ARID1B: variants seen among roughly 807,000 people sequenced by gnomAD.
The protein encoded by ARID1B is AT-rich interaction domain 1B.
Under a neutral mutation model 212.3 loss-of-function variants are expected in ARID1B, and 30 were observed. The ratio of observed to expected loss-of-function variants is 0.14; its 90% CI spans 0.11 to 0.19. ARID1B has a LOEUF of 0.19. Ranked by LOEUF, ARID1B falls within the 10% of genes least tolerant of loss-of-function variation. The probability of loss-of-function intolerance (pLI) is 1.00; values close to 1 mark genes in which losing one functional copy is unlikely to be tolerated. For missense variants in ARID1B, 2,891 were observed against 3,204.0 expected, an observed-to-expected ratio of 0.90 and a Z score of 2.36; for synonymous variants, 1,402 against 1,301.7, an observed-to-expected ratio of 1.08 and a Z score of -1.66.
intron 15 of ARID1B, chr6:157,194,269 T>C (rs966298623): frequency 6.6e-5 from 10 of 152,248 alleles, no homozygotes; most frequent in African/African-American, 1.7e-4. Flanking sequence ...TTTTCACATC[T>C]ACAAAATAGA....
chr6:157,047,110 A>G (rs1485730058), intron 4 of ARID1B, among the ~76,000 whole-genome samples: 10 of 152,208 alleles, frequency 6.6e-5, no homozygotes, highest in Non-Finnish European at 1.5e-5. Context: ...TAATGTTGGC[A>G]ATTTCATATG....
chr6:157,089,896 C>T (rs1019970059), intron 5 of ARID1B, among the ~76,000 whole-genome samples: 2 of 152,158 alleles, frequency 1.3e-5, no homozygotes, highest in Admixed American at 1.3e-4. Flanking sequence ...ACTTACACTG[C>T]TTCTTGGGTT....
chr6:156,890,528 T>A (rs1265625682), intron 2 of ARID1B, among the ~76,000 whole-genome samples: 1 of 152,216 alleles, frequency 6.6e-6, no homozygotes, highest in Non-Finnish European at 1.5e-5. Flanking sequence ...TCAGAAAGCC[T>A]GTTAAAAACT....
chr6:156,878,009 T>C (rs1786703191), intron 2 of ARID1B, among the ~76,000 whole-genome samples: 1 of 152,032 alleles, frequency 6.6e-6, no homozygotes, highest in Non-Finnish European at 1.5e-5. Context: ...AACCACCGCG[T>C]CTGGCCCATG....
At chr6:157,153,081 A>G (rs1399956752) in intron 8 of ARID1B, among the ~76,000 whole-genome samples, 1 of 152,250 alleles carries the variant, frequency 6.6e-6, no homozygotes, top group Non-Finnish European at 1.5e-5. Context: ...CAAGTATAAG[A>G]TAGTAGAGAG....
At chr6:156,820,348 T>C (rs984310312) in intron 1 of ARID1B, among the ~76,000 whole-genome samples, 3 of 152,172 alleles carry the variant, frequency 2.0e-5, no homozygotes, top group Non-Finnish European at 2.9e-5. Flanking sequence ...GAGGAAGCTG[T>C]TCCTTTCTCA....
At chr6:156,899,257 G>C (rs1209218254) in intron 2 of ARID1B, among the ~76,000 whole-genome samples, 1 of 152,112 alleles carries the variant, frequency 6.6e-6, no homozygotes, top group African/African-American at 2.4e-5. Context: ...ATTGGACTTA[G>C]AGTCCATGTA....
chr6:157,098,346 C>T (rs746025107), intron 5 of ARID1B, among the ~76,000 whole-genome samples: 38 of 152,150 alleles, frequency 2.5e-4, no homozygotes, highest in Admixed American at 3.9e-4. Context: ...GCTATGAATC[C>T]GGACTTCCTG....
At chr6:156,924,611 A>AT (rs1351460070) in intron 3 of ARID1B, among the ~76,000 whole-genome samples, 1 of 152,154 alleles carries the variant, frequency 6.6e-6, no homozygotes, top group Non-Finnish European at 1.5e-5. Flanking sequence ...TATTTCTGGA[A>AT]TTTTTTCCCT....
At chr6:156,776,931 A>AT (rs755204960), upstream of ARID1B, 10 of 152,336 alleles carry the variant, frequency 6.6e-5, no homozygotes, top group East Asian at 1.9e-3. Flanking sequence ...TGAAAATTAC[A>AT]TAACTCCTGG....
At chr6:157,105,009 A>G (rs902941126) in intron 5 of ARID1B, among the ~76,000 whole-genome samples, 2 of 152,232 alleles carry the variant, frequency 1.3e-5, no homozygotes, top group African/African-American at 4.8e-5. Context: ...TAGCCAGTGG[A>G]ACAGAAGAGG....
chr6:157,179,508 ATATT>A (rs1792358469), intron 11 of ARID1B, among the ~76,000 whole-genome samples: 1 of 152,234 alleles, frequency 6.6e-6, no homozygotes, highest in Admixed American at 6.5e-5. Flanking sequence ...GTATACATAT[ATATT>A]TTTTAAGCTC....
At chr6:157,184,540 T>A in intron 13 of ARID1B, 105 bp downstream of exon 13, 2 of 1,300,128 alleles carry the variant, frequency 1.5e-6, no homozygotes, top group South Asian at 1.3e-5. Flanking sequence ...AACTTGGGAC[T>A]TTTGAGAGGT....
At chr6:157,177,479 G>T in intron 11 of ARID1B, among the ~76,000 whole-genome samples, 1 of 152,206 alleles carries the variant, frequency 6.6e-6, no homozygotes, top group East Asian at 1.9e-4. Flanking sequence ...AGCAGGTCTG[G>T]AAAAGGCAAA....
intron 4 of ARID1B, among the ~76,000 whole-genome samples, chr6:157,048,990 A>G (rs562792239): frequency 3.1e-4 from 47 of 152,200 alleles, no homozygotes; most frequent in Admixed American, 2.5e-3. Context: ...CCTAGCCAAC[A>G]TGGTAAAGCC....
intron 10 of ARID1B, 36 bp from the exon 11 acceptor site, chr6:157,174,811 T>G (rs761168410): frequency 2.1e-6 from 3 of 1,461,074 alleles, no homozygotes; most frequent in Non-Finnish European, 2.7e-6. Context: ...TTGCCCTACC[T>G]TTGTCATTTT....
At chr6:156,849,829 A>G (rs1784466589) in intron 2 of ARID1B, among the ~76,000 whole-genome samples, 1 of 152,050 alleles carries the variant, frequency 6.6e-6, no homozygotes, top group African/African-American at 2.4e-5. Flanking sequence ...AAGCCGTGTC[A>G]TTGGCCCTGA....
intron 1 of ARID1B, among the ~76,000 whole-genome samples, chr6:156,787,186 A>C: frequency 6.6e-6 from 1 of 152,048 alleles, no homozygotes. Context: ...TCTTTTTCTC[A>C]GTTTTCTACA....
chr6:156,852,883 G>A (rs1784672337), intron 2 of ARID1B, among the ~76,000 whole-genome samples: 1 of 152,076 alleles, frequency 6.6e-6, no homozygotes, highest in Non-Finnish European at 1.5e-5. Context: ...ACTTAATTGG[G>A]AGAGCAAAAG....
Sources: gnomAD v4.1 joint callset for allele counts (sites outside exome capture counted in the v4.1 genomes callset) on GRCh38, gnomAD v4.1.1 for gene constraint, MANE v1.5 for transcripts, NCBI Gene and HGNC (gene_info 2026-07-23, HGNC 2026-07-21) for gene names.